Variants in TMEM97 observed in about 807,000 individuals in gnomAD.
The protein encoded by TMEM97 is sigma intracellular receptor 2.
Under a neutral mutation model 18.3 loss-of-function variants are expected in TMEM97, and 13 were observed. The observed-to-expected ratio is 0.71, with a 90% CI of 0.46 to 1.13. The LOEUF (loss-of-function observed/expected upper bound fraction) is 1.13. Ranked by LOEUF, TMEM97 falls within the 50% of genes most tolerant of loss-of-function variation. TMEM97 has a pLI of 0.00. For missense variants in TMEM97, 205 were observed against 210.5 expected, an observed-to-expected ratio of 0.97 and a Z score of 0.16; for synonymous variants, 76 against 85.3, an observed-to-expected ratio of 0.89 and a Z score of 0.60.
intron 1 of TMEM97, 163 bp downstream of exon 1, chr17:28,319,528 C>G: frequency 2.2e-6 from 2 of 891,168 alleles, no homozygotes; most frequent in Non-Finnish European, 3.2e-6. Flanking sequence ...CGGTGTTTTC[C>G]TCGGGCTTTG....
intron 1 of TMEM97, chr17:28,324,735 GC>G (rs1906267831): frequency 6.6e-6 from 1 of 152,178 alleles, no homozygotes; most frequent in Non-Finnish European, 1.5e-5. Flanking sequence ...GTAATTACAA[GC>G]GTGGGGCCCA....
rs77833470 is a variant in TMEM97 at position 28,319,947 on chromosome 17, A to G, written c.126+582A>G. 8.9e-3 allele frequency among the ~76,000 whole-genome samples: 1,349 copies of G among 152,254 alleles called. 13 individuals are homozygous for G. Among genetic ancestry groups the G allele is most frequent in the African/African-American group, 0.031 (1,282 of 41,540 alleles). On this transcript the variant is annotated intron_variant, in intron 1 of 2. Transcript: ENST00000226230. ...TCAATATTGGGTTCGAGTAACAATG[A>G]TCTCCTGAGTAAAAATAAAGGTGAA...
rs75684436 is a variant in TMEM97, at chr17:28,324,924, C to T, written c.127-579C>T. Among the ~76,000 whole-genome samples, 68 of 152,220 alleles carry T rather than the reference C, an allele frequency of 4.5e-4. 1 individual carries two copies. The East Asian group carries it at 0.012, about 27-fold the overall frequency. On this transcript the variant is annotated intron_variant, in intron 1 of 2. Transcript: ENST00000226230. The stretch of plus-strand genomic sequence containing the variant: ...GGAATTAAAGTGTCCAAAATTACAT[C>T]GCCACAGAGGTTAGATTTACTTCCC...
chr17:28,328,379 A>T lies in TMEM97; in HGVS notation c.*1586A>T, dbSNP rs76925317. The T allele has an allele frequency of 3.2e-6, 1 of 316,604 alleles. No homozygotes were observed. The highest frequency in any genetic ancestry group is 5.8e-6 in the Non-Finnish European group (1 of 173,558). 19.6% of individuals were successfully genotyped at this position (316,604 alleles called of 1,614,324 possible). A position where few individuals can be genotyped will look rare whatever the true frequency, so the allele number is the denominator to read the frequency against. On this transcript the variant is annotated 3_prime_UTR_variant, in exon 3 of 3. Transcript: ENST00000226230. ...TCCTTCCAAAGCTTTGTGAATTTAC[A>T]AAAAAAAGGATGAAAGTTTACAAAC... is the stretch of plus-strand genomic sequence containing the variant.
At chr17:28,319,563 AGCG>A (rs1384010908) in intron 1 of TMEM97, 198 bp downstream of exon 1, 11 of 575,892 alleles carry the variant, frequency 1.9e-5, no homozygotes, top group Non-Finnish European at 3.0e-5. Flanking sequence ...CCTTCTCCCA[AGCG>A]GCGGGGGCGA....
In TMEM97 at chr17:28,326,555, C is replaced by T; in HGVS notation, c.293C>T (p.Thr98Ile). ...TCAGGAAGCTGCAAGTGGATTCGAA[C>T]TCCTGCAATCATCTACTCTGTTCAC... ...FLKGSCKWIR[T>I]PAIIYSVHTM... The change falls in exon 3 of 3, where the codon ACT becomes ATT. Residue 98 changes from threonine to isoleucine, a missense_variant. Physicochemically the swap from Thr to Ile is moderately conservative, Grantham distance 89. Coordinates refer to ENST00000226230, the MANE Select transcript of TMEM97 (RefSeq NM_014573.3). 3 of 1,613,874 alleles carry T rather than the reference C, an allele frequency of 1.9e-6. No individual in the cohort carries two copies. The highest frequency in any genetic ancestry group is 1.7e-6 in the Non-Finnish European group (2 of 1,179,770).
At chr17:28,325,266 G>C (rs1217327081) in intron 1 of TMEM97, among the ~76,000 whole-genome samples, 2 of 152,156 alleles carry the variant, frequency 1.3e-5, no homozygotes, top group African/African-American at 4.8e-5. Flanking sequence ...ACAAAGAAGG[G>C]GCTGGAAGAG....
At chr17:28,320,204 G>T (rs921377067) in intron 1 of TMEM97, among the ~76,000 whole-genome samples, 1 of 151,966 alleles carries the variant, frequency 6.6e-6, no homozygotes, top group Middle Eastern at 3.2e-3. Flanking sequence ...TTTATTTTGC[G>T]TCTGTTTTTC....
At chr17:28,321,042 G>C (rs913798485) in intron 1 of TMEM97, among the ~76,000 whole-genome samples, 3 of 152,210 alleles carry the variant, frequency 2.0e-5, no homozygotes, top group Admixed American at 6.5e-5. Context: ...GGTTATCTTT[G>C]GGGGCCATTA....
intron 1 of TMEM97, among the ~76,000 whole-genome samples, chr17:28,321,517 A>G (rs1245957697): frequency 1.3e-5 from 2 of 152,140 alleles, no homozygotes; most frequent in Non-Finnish European, 2.9e-5. Flanking sequence ...GGCTTACCAC[A>G]GCCTTGAACC....
chr17:28,328,588 T>G lies in TMEM97; in HGVS notation c.*1795T>G. On this transcript the variant is annotated 3_prime_UTR_variant, in exon 3 of 3. Coordinates refer to ENST00000226230, the MANE Select transcript of TMEM97 (RefSeq NM_014573.3). ...TCAAGCCGCTGGAATGCTACAGAGG[T>G]TTTTTTGGTTTTGAGAGGCTTTTTT... 9.8e-7 allele frequency: 1 copy of G among 1,023,032 alleles called. No homozygotes were observed. 63.4% of individuals were successfully genotyped at this position (1,023,032 alleles called of 1,614,324 possible). A position where few individuals can be genotyped will look rare whatever the true frequency, so the allele number is the denominator to read the frequency against.
intron 1 of TMEM97, among the ~76,000 whole-genome samples, chr17:28,324,395 C>G (rs1555575224): frequency 2.6e-5 from 4 of 152,170 alleles, no homozygotes. Flanking sequence ...AGTGGGGCTT[C>G]TATTTCACAA....
intron 1 of TMEM97, among the ~76,000 whole-genome samples, chr17:28,322,185 T>A (rs1555574955): frequency 6.6e-6 from 1 of 152,128 alleles, no homozygotes; most frequent in Admixed American, 6.6e-5. Flanking sequence ...TTTTCTTGGA[T>A]TGCACCAAAT....
In TMEM97 at chr17:28,328,038, C is replaced by G. The variant is rs79867449; in HGVS notation, c.*1245C>G. 1 of 152,964 alleles carries G rather than the reference C, an allele frequency of 6.5e-6. No individual in the cohort carries two copies. The highest frequency in any genetic ancestry group is 2.4e-5 in the African/African-American group (1 of 41,462). The allele number at this position is 152,964 out of a possible 1,614,324, so 9.5% of individuals were successfully genotyped here. Reference sequence around the variant, plus strand: ...ACTGTGTGCATAGAGGGTCTCTTCACGTTGATGCTTGGCATTCCATCAGCT... The same window carrying G: ...ACTGTGTGCATAGAGGGTCTCTTCAGGTTGATGCTTGGCATTCCATCAGCT... On this transcript the variant is annotated 3_prime_UTR_variant, in exon 3 of 3. Coordinates refer to ENST00000226230, the MANE Select transcript of TMEM97 (RefSeq NM_014573.3).
In TMEM97 at chr17:28,328,425, T is replaced by A. The variant is rs1243780246; in HGVS notation, c.*1632T>A. 4.2e-6 allele frequency: 2 copies of A among 473,192 alleles called. No homozygotes were observed. The highest frequency in any genetic ancestry group is 7.4e-6 in the Non-Finnish European group (2 of 268,460). The allele number at this position is 473,192 out of a possible 1,614,324, so 29.3% of individuals were successfully genotyped here. A position where few individuals can be genotyped will look rare whatever the true frequency, so the allele number is the denominator to read the frequency against. The stretch of plus-strand genomic sequence containing the variant: ...CAAACTGCTTAGTTCCAACTAAGCA[T>A]AAGAGGTGAGAACGTACACTGCAGG... On this transcript the variant is annotated 3_prime_UTR_variant, in exon 3 of 3. Transcript: ENST00000226230.
intron 1 of TMEM97, among the ~76,000 whole-genome samples, chr17:28,321,838 G>GTGTGTGTGTGTGTT (rs1906157559): frequency 6.6e-6 from 1 of 150,964 alleles, no homozygotes; most frequent in Non-Finnish European, 1.5e-5. Flanking sequence ...GTGTGTGTGT[G>GTGTGTGTGTGTGTT]TGTGTTTGTG....
chr17:28,326,872 G>A lies in TMEM97; in HGVS notation c.*79G>A. 1.3e-6 allele frequency: 2 copies of A among 1,494,072 alleles called. No homozygotes were observed. Among genetic ancestry groups the A allele is most frequent in the Non-Finnish European group, 1.8e-6 (2 of 1,117,534 alleles). The allele number at this position is 1,494,072 out of a possible 1,614,324, so 92.6% of individuals were successfully genotyped here. ...GATACAATACAAGGAACACTGCTCA[G>A]AACCCACGTCTTCAGCAGCATTTGA... On this transcript the variant is annotated 3_prime_UTR_variant, in exon 3 of 3. Coordinates refer to ENST00000226230, the MANE Select transcript of TMEM97 (RefSeq NM_014573.3).
In TMEM97 at chr17:28,326,669, CTT is replaced by C. The variant is rs1463855770; in HGVS notation, c.409_410del (p.Leu137AlafsTer2). 2.5e-6 allele frequency: 4 copies of C among 1,614,066 alleles called. No individual in the cohort carries two copies. Among genetic ancestry groups the C allele is most frequent in the Non-Finnish European group, 2.5e-6 (3 of 1,180,042 alleles). On this transcript the variant is annotated frameshift_variant, in exon 3 of 3. Coordinates refer to ENST00000226230, the MANE Select transcript of TMEM97 (RefSeq NM_014573.3). LOFTEE classifies it high-confidence loss of function. Reference sequence around the variant, plus strand: ...GGTTTCAAGGGACAAAGACCTGAGACTTTGCATGAACGGTTAACCCTTGTGTC... The same window carrying C: ...GGTTTCAAGGGACAAAGACCTGAGACTGCATGAACGGTTAACCCTTGTGTC...
At chr17:28,321,443 T>G (rs1906136752) in intron 1 of TMEM97, among the ~76,000 whole-genome samples, 1 of 152,194 alleles carries the variant, frequency 6.6e-6, no homozygotes, top group African/African-American at 2.4e-5. Flanking sequence ...TAAAATTTTC[T>G]CAGTCTTTTT....
Sources: gnomAD v4.1 joint callset for allele counts (sites outside exome capture counted in the v4.1 genomes callset) on GRCh38, gnomAD v4.1.1 for gene constraint, MANE v1.5 for transcripts, NCBI Gene and HGNC (gene_info 2026-07-23, HGNC 2026-07-21) for gene names.